Variants in PDSS2 observed in about 807,000 individuals in gnomAD.
PDSS2 encodes the protein all trans-polyprenyl-diphosphate synthase PDSS2.
In PDSS2, 31 loss-of-function variants were observed where a neutral mutation model predicts 44.5. The ratio of observed to expected loss-of-function variants is 0.70; its 90% CI spans 0.52 to 0.94. The LOEUF is 0.94. Among genes scored for constraint, PDSS2 ranks in the 40% least tolerant of loss-of-function variants. The pLI, the probability that PDSS2 is intolerant of heterozygous loss-of-function variation, is 0.00. For synonymous variants in PDSS2, 157 were observed against 180.3 expected (o/e 0.87, Z 1.03); for missense variants, 452 against 482.2 (o/e 0.94, Z 0.59).
At chr6:107,207,675 A>C (rs1015539326) in intron 6 of PDSS2, among the ~76,000 whole-genome samples, 3 of 141,884 alleles carry the variant, frequency 2.1e-5, no homozygotes, top group African/African-American at 7.7e-5. Context: ...GCAGTTGTGC[A>C]ATCAGCTCAC....
rs761228243 is a variant in PDSS2 at position 107,212,260 on chromosome 6, A to G, written c.725T>C (p.Ile242Thr). The part of the protein sequence containing the change: ...TSKESYITDD[I>T]GISTWKEQTF... ...CTGCTCCTTCCAAGTCGATATTCCA[A>G]TATCATCTGTGATATAACTTTCCTA... Residue 242 changes from isoleucine (I) to threonine (T), a missense_variant, in exon 5 of 8, where the codon ATT becomes ACT. Transcript: ENST00000369037. The G allele has an allele frequency of 3.7e-6, 6 of 1,613,574 alleles. No individual in the cohort carries two copies. Among genetic ancestry groups the G allele is most frequent in the Non-Finnish European group, 5.1e-6 (6 of 1,179,624 alleles).
chr6:107,225,265 C>G (rs111806954), intron 4 of PDSS2, among the ~76,000 whole-genome samples: 1 of 139,798 alleles, frequency 7.2e-6, no homozygotes, highest in Non-Finnish European at 1.5e-5. Context: ...CTCCGCCTCC[C>G]GGGTTCATGT....
At chr6:107,404,299 C>T (rs974780193) in intron 1 of PDSS2, among the ~76,000 whole-genome samples, 1 of 152,162 alleles carries the variant, frequency 6.6e-6, no homozygotes, top group African/African-American at 2.4e-5. Flanking sequence ...CTAGGAAGTT[C>T]CAAAATTTCC....
chr6:107,290,528 C>A (rs1443534379), intron 2 of PDSS2, among the ~76,000 whole-genome samples: 1 of 152,088 alleles, frequency 6.6e-6, no homozygotes, highest in Non-Finnish European at 1.5e-5. Context: ...AATTTCTCCA[C>A]CCCCCGCCTC....
At chr6:107,304,992 C>A (rs947104298) in intron 2 of PDSS2, among the ~76,000 whole-genome samples, 2 of 151,838 alleles carry the variant, frequency 1.3e-5, no homozygotes, top group African/African-American at 4.8e-5. Context: ...CCAGCCCTGA[C>A]CAGTCATTGA....
At chr6:107,271,539 C>A (rs1775597746) in intron 3 of PDSS2, among the ~76,000 whole-genome samples, 1 of 152,158 alleles carries the variant, frequency 6.6e-6, no homozygotes, top group African/African-American at 2.4e-5. Flanking sequence ...TCTTGCAGGC[C>A]ATGCATGGGC....
chr6:107,194,981 C>T (rs1772505450), intron 6 of PDSS2, among the ~76,000 whole-genome samples: 1 of 151,660 alleles, frequency 6.6e-6, no homozygotes, highest in South Asian at 2.1e-4. Context: ...AACATAACAA[C>T]CAGGGTTAGT....
At chr6:107,420,023 T>C (rs1273674639) in intron 1 of PDSS2, among the ~76,000 whole-genome samples, 1 of 152,074 alleles carries the variant, frequency 6.6e-6, no homozygotes, top group Non-Finnish European at 1.5e-5. Flanking sequence ...CTGACAACAG[T>C]GGATAAAATG....
rs9398121 is a variant in PDSS2 at position 107,178,634 on chromosome 6, G to A, written c.1041+15188C>T. On this transcript the variant is annotated intron_variant, in intron 7 of 7. Coordinates refer to ENST00000369037, the MANE Select transcript of PDSS2 (RefSeq NM_020381.4). ...GTTAGATTATAGACTAATACACACC[G>A]TTTTCTGGATGCTTGCAAGATCAGA... Among the ~76,000 whole-genome samples the A allele has an allele frequency of 9.8e-3, 1,499 of 152,218 alleles. 69 individuals are homozygous for A. In the East Asian group the frequency reaches 0.15, roughly 16 times the overall value.
At chr6:107,273,088 G>A (rs543885164) in intron 3 of PDSS2, among the ~76,000 whole-genome samples, 2 of 152,188 alleles carry the variant, frequency 1.3e-5, no homozygotes, top group African/African-American at 2.4e-5. Context: ...GGGTTCAAGC[G>A]ATTCTCCTGC....
chr6:107,454,047 C>CTTTT, intron 1 of PDSS2, among the ~76,000 whole-genome samples: 1 of 131,594 alleles, frequency 7.6e-6, no homozygotes, highest in Non-Finnish European at 1.6e-5. Context: ...TTTCAGACTT[C>CTTTT]TTTTTTTTTT....
chr6:107,316,747 C>T (rs1261846156), intron 2 of PDSS2, among the ~76,000 whole-genome samples: 11 of 152,180 alleles, frequency 7.2e-5, no homozygotes, highest in Admixed American at 7.2e-4. Context: ...AACCTACCAA[C>T]ATTTTTCATT....
chr6:107,221,274 G>A (rs143638534), intron 4 of PDSS2, among the ~76,000 whole-genome samples: 4,898 of 148,850 alleles, frequency 0.033, 139 homozygotes, highest in Middle Eastern at 0.074. Context: ...CCTGGGAGGC[G>A]GAGCTTGTAG....
chr6:107,443,027 C>G (rs1245823556), intron 1 of PDSS2, among the ~76,000 whole-genome samples: 1 of 152,124 alleles, frequency 6.6e-6, no homozygotes, highest in Non-Finnish European at 1.5e-5. Context: ...ATGTCTATTT[C>G]CCTTATTTGA....
chr6:107,431,199 C>T (rs1781183785), intron 1 of PDSS2, among the ~76,000 whole-genome samples: 1 of 152,314 alleles, frequency 6.6e-6, no homozygotes, highest in Admixed American at 6.5e-5. Context: ...GAAGACACAG[C>T]TTCTAAAACT....
chr6:107,372,504 G>T (rs1311871255), intron 1 of PDSS2, among the ~76,000 whole-genome samples: 1 of 152,010 alleles, frequency 6.6e-6, no homozygotes, highest in Admixed American at 6.6e-5. Context: ...CAAGCTGGAG[G>T]GCAGTTGCGC....
intron 3 of PDSS2, among the ~76,000 whole-genome samples, chr6:107,253,028 G>A (rs1050867875): frequency 1.3e-4 from 20 of 152,038 alleles, no homozygotes; most frequent in African/African-American, 4.8e-4. Flanking sequence ...ATATAAAAAT[G>A]TTTGTGGTTT....
chr6:107,154,362 A>C lies in PDSS2; in HGVS notation c.*257T>G, dbSNP rs1191000189. The C allele has an allele frequency of 4.5e-6, 2 of 442,924 alleles. No individual in the cohort carries two copies. The highest frequency in any genetic ancestry group is 8.3e-6 in the Non-Finnish European group (2 of 239,802). 27.4% of individuals were successfully genotyped at this position (442,924 alleles called of 1,614,324 possible). On this transcript the variant is annotated 3_prime_UTR_variant, in exon 8 of 8. Transcript: ENST00000369037. ...TCCATTTGCTGAGGTCACAGGAGCGAATCTCATTAATTATTTCTGCGACTG... is the reference window on the plus strand; with the variant it reads ...TCCATTTGCTGAGGTCACAGGAGCGCATCTCATTAATTATTTCTGCGACTG...
intron 6 of PDSS2, chr6:107,198,027 A>G: frequency 2.4e-6 from 1 of 420,264 alleles, no homozygotes; most frequent in Non-Finnish European, 4.9e-6. Flanking sequence ...TGAATATAAT[A>G]TTCTTTACTG....
Sources: allele counts gnomAD v4.1 joint callset (sites outside exome capture counted in the v4.1 genomes callset), GRCh38; gene constraint gnomAD v4.1.1; transcripts MANE v1.5; gene names NCBI Gene and HGNC (gene_info 2026-07-23, HGNC 2026-07-21).